Variants in ENTPD1 observed in about 807,000 individuals in gnomAD.
ENTPD1 encodes the protein ATP diphosphohydrolase.
Under a neutral mutation model 57.0 loss-of-function variants are expected in ENTPD1, and 33 were observed. The ratio of observed to expected loss-of-function variants is 0.58; its 90% confidence interval spans 0.44 to 0.77. ENTPD1 has a LOEUF of 0.77. Among genes scored for constraint, ENTPD1 ranks in the 30% least tolerant of loss-of-function variants. The pLI, the probability that ENTPD1 is intolerant of heterozygous loss-of-function variation, is 0.00. For missense variants in ENTPD1, 501 were observed against 603.4 expected (o/e 0.83, Z 1.78); for synonymous variants, 202 against 218.8 (o/e 0.92, Z 0.68).
At chr10:95,859,405 T>G (rs564379116) in intron 7 of ENTPD1, among the ~76,000 whole-genome samples, 32 of 152,354 alleles carry the variant, frequency 2.1e-4, no homozygotes, top group African/African-American at 6.3e-4. Context: ...TTAAGTAATT[T>G]TACAGAAGGC....
chr10:95,782,967 G>GC (rs1484312692), intron 1 of ENTPD1, among the ~76,000 whole-genome samples: 3 of 152,102 alleles, frequency 2.0e-5, no homozygotes, highest in African/African-American at 7.2e-5. Context: ...TACAGGTTGG[G>GC]CAAGTTGCTT....
intron 6 of ENTPD1, among the ~76,000 whole-genome samples, chr10:95,847,087 C>G (rs2098437216): frequency 6.6e-6 from 1 of 151,998 alleles, no homozygotes; most frequent in Non-Finnish European, 1.5e-5. Flanking sequence ...GAGAACTACT[C>G]CCAGGCCCAA....
chr10:95,847,773 A>C (rs2098438272), intron 7 of ENTPD1, 67 bp downstream of exon 7: 16 of 1,606,990 alleles, frequency 1.0e-5, no homozygotes, highest in Non-Finnish European at 1.3e-5. Context: ...TGCCTACAAA[A>C]GATTTAAATA....
In ENTPD1 at chr10:95,869,713, G is replaced by A; in HGVS notation, c.*3330G>A. 2 of 946,936 alleles carry A rather than the reference G, an allele frequency of 2.1e-6. No homozygotes were observed. The highest frequency in any genetic ancestry group is 2.5e-6 in the Non-Finnish European group (2 of 794,950). 58.7% of individuals were successfully genotyped at this position (946,936 alleles called of 1,614,324 possible). ...TACACTTCATTTTAATGTTGTATCA[G>A]TCAAGGTCCCTGCAAGAGATGGATG... On this transcript the variant is annotated 3_prime_UTR_variant, in exon 10 of 10. Coordinates refer to ENST00000371205, the MANE Select transcript of ENTPD1 (RefSeq NM_001776.6).
At chr10:95,733,633 T>A (rs2097991584) in intron 1 of ENTPD1, among the ~76,000 whole-genome samples, 1 of 152,232 alleles carries the variant, frequency 6.6e-6, no homozygotes, top group Non-Finnish European at 1.5e-5. Flanking sequence ...CAATTTATGT[T>A]CTCCTGCCAT....
At chr10:95,797,015 G>A (rs999402968) in intron 1 of ENTPD1, among the ~76,000 whole-genome samples, 1 of 152,086 alleles carries the variant, frequency 6.6e-6, no homozygotes, top group Non-Finnish European at 1.5e-5. Flanking sequence ...CAAGGCTGTA[G>A]TGAGCTATAA....
At chr10:95,709,895 C>T (rs1268911929), upstream of ENTPD1, among the ~76,000 whole-genome samples, 1 of 151,736 alleles carries the variant, frequency 6.6e-6, no homozygotes, top group East Asian at 2.0e-4. Context: ...CCCCGGCCCC[C>T]CCCACCAGTA....
chr10:95,854,448 T>A (rs935378126), intron 7 of ENTPD1, among the ~76,000 whole-genome samples: 1 of 152,240 alleles, frequency 6.6e-6, no homozygotes, highest in African/African-American at 2.4e-5. Flanking sequence ...TCTGCTGTGA[T>A]CTTAGTTATT....
intron 7 of ENTPD1, among the ~76,000 whole-genome samples, chr10:95,851,691 G>A (rs1436933515): frequency 6.8e-6 from 1 of 147,480 alleles, no homozygotes; most frequent in African/African-American, 2.5e-5. Flanking sequence ...TTGTTTTTTT[G>A]TCCCTGCGAT....
chr10:95,831,940 T>C (rs2098397868), intron 2 of ENTPD1, among the ~76,000 whole-genome samples: 1 of 152,240 alleles, frequency 6.6e-6, no homozygotes, highest in African/African-American at 2.4e-5. Context: ...AACTCTATTG[T>C]AGGCCCTGGC....
chr10:95,720,998 G>T (rs895520890), intron 1 of ENTPD1, among the ~76,000 whole-genome samples: 1 of 152,042 alleles, frequency 6.6e-6, no homozygotes, highest in African/African-American at 2.4e-5. Context: ...GTTCAATAGG[G>T]TTTTTTAAGT....
rs2098485780 is a variant in ENTPD1, at chr10:95,876,363, C to T, written c.*9980C>T. The T allele has an allele frequency of 1.0e-6, 1 of 985,278 alleles. No homozygotes were observed. Among genetic ancestry groups the T allele is most frequent in the African/African-American group, 1.7e-5 (1 of 57,246 alleles). 61.0% of individuals were successfully genotyped at this position (985,278 alleles called of 1,614,324 possible). ...GATAAATGGTAATTCTTAGAATGAA[C>T]TACTCAGCACCAATTCTAAGTTTTT... On this transcript the variant is annotated 3_prime_UTR_variant, in exon 10 of 10. Transcript: ENST00000371205.
At chr10:95,767,703 A>G (rs1262257497) in intron 1 of ENTPD1, among the ~76,000 whole-genome samples, 1 of 152,052 alleles carries the variant, frequency 6.6e-6, no homozygotes, top group East Asian at 1.9e-4. Flanking sequence ...AAAGGGGATC[A>G]GTGTTATAAA....
upstream of ENTPD1, among the ~76,000 whole-genome samples, chr10:95,709,267 T>C (rs1280142224): frequency 2.0e-5 from 3 of 152,228 alleles, no homozygotes; most frequent in Non-Finnish European, 4.4e-5. Context: ...ATTTAGTTCA[T>C]GAAATTTTAA....
At chr10:95,819,597 AC>A (rs2098341808) in intron 1 of ENTPD1, among the ~76,000 whole-genome samples, 1 of 152,236 alleles carries the variant, frequency 6.6e-6, no homozygotes, top group African/African-American at 2.4e-5. Flanking sequence ...TTCCTCTGAC[AC>A]AGCTAATTGG....
At chr10:95,755,500 C>A, upstream of ENTPD1, 1 of 596,100 alleles carries the variant, frequency 1.7e-6, no homozygotes, top group South Asian at 2.1e-5. Flanking sequence ...CATTAGACTT[C>A]AAAGGTAGGA....
intron 5 of ENTPD1, 50 bp downstream of exon 5, chr10:95,844,685 A>G (rs749966715): frequency 6.2e-7 from 1 of 1,610,366 alleles, no homozygotes. Context: ...GGCCAATGCC[A>G]TTGCTATCTC....
upstream of ENTPD1, chr10:95,753,077 C>A (rs1198523987): frequency 1.3e-5 from 2 of 151,948 alleles, no homozygotes; most frequent in Admixed American, 1.3e-4. Flanking sequence ...TTTATAAGAC[C>A]ATTTCATCAT....
intron 1 of ENTPD1, among the ~76,000 whole-genome samples, chr10:95,727,186 T>C (rs530544723): frequency 2.6e-5 from 4 of 152,170 alleles, no homozygotes; most frequent in Admixed American, 6.5e-5. Context: ...ATTTGAGTCA[T>C]AGTTTTGGTA....
Sources: gnomAD v4.1 joint callset for allele counts (sites outside exome capture counted in the v4.1 genomes callset) on GRCh38, gnomAD v4.1.1 for gene constraint, MANE v1.5 for transcripts, NCBI Gene and HGNC (gene_info 2026-07-23, HGNC 2026-07-21) for gene names.